Variants in TENM3 observed in about 807,000 individuals in gnomAD.
TENM3 encodes teneurin transmembrane protein 3.
Under a neutral mutation model 255.1 loss-of-function variants are expected in TENM3, and 63 were observed. The observed-to-expected ratio is 0.25, with a 90% confidence interval of 0.20 to 0.30. The LOEUF (loss-of-function observed/expected upper bound fraction) is 0.30, where lower values mean the gene tolerates loss of function less well. TENM3 is among the 10% of genes least tolerant of loss of function. The pLI, the probability that TENM3 is intolerant of heterozygous loss-of-function variation, is 1.00. For synonymous variants in TENM3, 1,306 were observed against 1,322.3 expected, an observed-to-expected ratio of 0.99 and a Z score of 0.27; for missense variants, 2,929 against 3,461.1, an observed-to-expected ratio of 0.85 and a Z score of 3.86.
At chr4:181,619,320 G>A in the TENM3 span, among the ~76,000 whole-genome samples, 1 of 152,022 alleles carries the variant, frequency 6.6e-6, no homozygotes, top group African/African-American at 2.4e-5. Flanking sequence ...CTGTTTGTGT[G>A]ATCTATTTGT....
chr4:182,378,992 C>T (rs977859211), intron 3 of TENM3, among the ~76,000 whole-genome samples: 2 of 152,114 alleles, frequency 1.3e-5, no homozygotes, highest in Non-Finnish European at 2.9e-5. Context: ...CCAGTATGCA[C>T]AGGCATTGGG....
At chr4:182,297,796 C>A (rs1045402062) in intron 1 of TENM3, among the ~76,000 whole-genome samples, 12 of 152,180 alleles carry the variant, frequency 7.9e-5, no homozygotes, top group African/African-American at 2.7e-4. Flanking sequence ...AGGTGGATAG[C>A]CAGGATCCAA....
chr4:181,553,933 C>T, the TENM3 span, among the ~76,000 whole-genome samples: 1 of 152,138 alleles, frequency 6.6e-6, no homozygotes, highest in African/African-American at 2.4e-5. Context: ...GAGTTGACTA[C>T]TTTACCCTTC....
the TENM3 span, among the ~76,000 whole-genome samples, chr4:181,622,387 A>G: frequency 1.3e-5 from 2 of 152,182 alleles, no homozygotes; most frequent in African/African-American, 4.8e-5. Flanking sequence ...AATAAATACT[A>G]TAACTAGGCC....
At chr4:182,344,579 A>G (rs1288665690) in intron 2 of TENM3, among the ~76,000 whole-genome samples, 3 of 152,168 alleles carry the variant, frequency 2.0e-5, no homozygotes, top group Non-Finnish European at 4.4e-5. Flanking sequence ...TGAAAAGCCA[A>G]TCACTTGGAA....
chr4:181,589,536 A>C, the TENM3 span, among the ~76,000 whole-genome samples: 1 of 152,186 alleles, frequency 6.6e-6, no homozygotes, highest in African/African-American at 2.4e-5. Flanking sequence ...AAAAGGAAGG[A>C]AAGACTATAA....
At chr4:181,525,485 G>A in the TENM3 span, among the ~76,000 whole-genome samples, 1 of 151,856 alleles carries the variant, frequency 6.6e-6, no homozygotes, top group Non-Finnish European at 1.5e-5. Context: ...CTTTTGAAGG[G>A]GCTGAGGAGC....
rs999233021 is a variant in TENM3, at chr4:182,346,757, T to C, written c.339T>C (p.Ser113=). The change falls in exon 3 of 28, where the codon AGT becomes AGC. Residue 113 remains serine (S), a synonymous_variant. Coordinates refer to ENST00000511685, the MANE Select transcript of TENM3 (RefSeq NM_001080477.4). ...MGLPHRGYSI[S]AGSDADTENE... is the part of the protein sequence containing the mutation. The stretch of plus-strand genomic sequence containing the variant: ...TCCCTCACAGAGGTTACTCTATCAG[T>C]GCAGGGTCAGATGCTGATACTGAAA... 6.2e-7 allele frequency: 1 copy of C among 1,613,498 alleles called. No homozygotes were observed. The highest frequency in any genetic ancestry group is 8.5e-7 in the Non-Finnish European group (1 of 1,179,776).
At chr4:182,660,102 C>T (rs767690996) in intron 6 of TENM3, among the ~76,000 whole-genome samples, 4 of 152,108 alleles carry the variant, frequency 2.6e-5, no homozygotes, top group Non-Finnish European at 5.9e-5. Flanking sequence ...GTGTATAGTA[C>T]ATAGTAAATG....
the TENM3 span, among the ~76,000 whole-genome samples, chr4:182,089,440 G>T: frequency 6.6e-6 from 1 of 152,112 alleles, no homozygotes; most frequent in Non-Finnish European, 1.5e-5. Context: ...AATCTTTACA[G>T]CTGCAACCAC....
chr4:182,108,722 G>A, the TENM3 span, among the ~76,000 whole-genome samples: 1 of 152,142 alleles, frequency 6.6e-6, no homozygotes, highest in Non-Finnish European at 1.5e-5. Flanking sequence ...AAAGCCAAGA[G>A]AACATGCAAT....
At chr4:182,705,812 C>T (rs887729055) in intron 12 of TENM3, among the ~76,000 whole-genome samples, 2 of 152,176 alleles carry the variant, frequency 1.3e-5, no homozygotes, top group South Asian at 4.1e-4. Flanking sequence ...TGCTTCTGGT[C>T]TTTGAGGCTT....
At chr4:182,396,488 A>G (rs1768818969) in intron 3 of TENM3, among the ~76,000 whole-genome samples, 2 of 152,366 alleles carry the variant, frequency 1.3e-5, no homozygotes, top group East Asian at 3.9e-4. Flanking sequence ...TGGCTGGCAC[A>G]GGTAAACAAG....
At position 182,161,828 on chromosome 4, in the gene TENM3, CAT is replaced by C. The variant is rs372039344; in HGVS notation, c.-76+17081_-76+17082del. Among the ~76,000 whole-genome samples the C allele has an allele frequency of 2.2e-3, 28 of 12,956 alleles. 2 individuals are homozygous for C. Among genetic ancestry groups the C allele is most frequent in the Admixed American group, 3.3e-3 (3 of 898 alleles). 8.5% of individuals were successfully genotyped at this position (12,956 alleles called of 152,430 possible). On this transcript the variant is annotated intron_variant, in intron 1 of 2. Transcript: ENST00000512480. ...ACACATATATATGTATATATATACA[CAT>C]ATATATGTGTATATATACACAAATA... is the stretch of plus-strand genomic sequence containing the variant.
At chr4:182,477,100 T>C (rs1428635325) in intron 3 of TENM3, among the ~76,000 whole-genome samples, 1 of 152,236 alleles carries the variant, frequency 6.6e-6, no homozygotes, top group Non-Finnish European at 1.5e-5. Context: ...AATTTGTTTT[T>C]AGTAGTGACC....
At chr4:182,476,571 T>G (rs1488157013) in intron 3 of TENM3, among the ~76,000 whole-genome samples, 1 of 152,234 alleles carries the variant, frequency 6.6e-6, no homozygotes, top group Non-Finnish European at 1.5e-5. Flanking sequence ...TACATGTGTG[T>G]ATATGTATCT....
At chr4:182,720,196 G>A (rs949810391) in intron 13 of TENM3, among the ~76,000 whole-genome samples, 1 of 152,036 alleles carries the variant, frequency 6.6e-6, no homozygotes, top group South Asian at 2.1e-4. Flanking sequence ...TGAATGGAGA[G>A]ATCTATATTT....
intron 1 of TENM3, among the ~76,000 whole-genome samples, chr4:182,252,198 C>T (rs910645699): frequency 6.6e-6 from 1 of 151,072 alleles, no homozygotes; most frequent in Non-Finnish European, 1.5e-5. Flanking sequence ...AAAAAAACAA[C>T]AAAAAAATGT....
chr4:181,996,819 C>T, the TENM3 span, among the ~76,000 whole-genome samples: 2 of 152,046 alleles, frequency 1.3e-5, no homozygotes, highest in East Asian at 1.9e-4. Flanking sequence ...CCACTATGTT[C>T]GAGGTCTAAG....
Sources: allele counts gnomAD v4.1 joint callset (sites outside exome capture counted in the v4.1 genomes callset), GRCh38; gene constraint gnomAD v4.1.1; transcripts MANE v1.5; gene names NCBI Gene and HGNC (gene_info 2026-07-23, HGNC 2026-07-21).